The following DCLK1 variants were observed in gnomAD, a reference collection of about 807,000 sequenced individuals.
The protein encoded by DCLK1 is doublecortin like kinase 1.
DCLK1 carries 16 observed loss-of-function variants against 86.2 expected under a neutral mutation model. The ratio of observed to expected loss-of-function variants is 0.19; its 90% CI spans 0.13 to 0.28. DCLK1 has a LOEUF of 0.28. DCLK1 is among the 10% of genes least tolerant of loss of function. DCLK1 has a pLI of 1.00. For missense variants in DCLK1, 590 were observed against 940.2 expected (o/e 0.63, Z 4.87); for synonymous variants, 369 against 370.5 (o/e 1.00, Z 0.05).
intron 3 of DCLK1, among the ~76,000 whole-genome samples, chr13:36,101,591 A>G (rs979497735): frequency 6.6e-6 from 1 of 152,186 alleles, no homozygotes; most frequent in Non-Finnish European, 1.5e-5. Context: ...CTTAAATGTG[A>G]ATATACACAG....
At chr13:35,809,608 C>A (rs898010425) in intron 12 of DCLK1, among the ~76,000 whole-genome samples, 3 of 152,036 alleles carry the variant, frequency 2.0e-5, no homozygotes, top group African/African-American at 7.3e-5. Context: ...CTTAAGATCA[C>A]ACAGTTAGTG....
chr13:36,037,618 G>C (rs1882552727), intron 3 of DCLK1, among the ~76,000 whole-genome samples: 1 of 151,868 alleles, frequency 6.6e-6, no homozygotes, highest in Non-Finnish European at 1.5e-5. Flanking sequence ...CAAGTACCTG[G>C]GATTACAGGT....
chr13:36,112,301 C>T (rs1885646516), intron 2 of DCLK1, 86 bp from the exon 3 acceptor site: 1 of 1,059,264 alleles, frequency 9.4e-7, no homozygotes, highest in Non-Finnish European at 1.3e-6. Context: ...GCCTTTTCTG[C>T]TTAGGGGCAA....
At chr13:36,090,582 C>T (rs1286021675) in intron 3 of DCLK1, among the ~76,000 whole-genome samples, 3 of 152,014 alleles carry the variant, frequency 2.0e-5, no homozygotes, top group Non-Finnish European at 4.4e-5. Context: ...TAGCACAGAA[C>T]GTAGGTAGGA....
chr13:36,040,170 T>C (rs1171700409), intron 3 of DCLK1, among the ~76,000 whole-genome samples: 1 of 151,716 alleles, frequency 6.6e-6, no homozygotes, highest in African/African-American at 2.4e-5. Context: ...CTGAAGTCCA[T>C]ATTTCATTCA....
At chr13:35,985,825 T>G (rs1879874889) in intron 3 of DCLK1, among the ~76,000 whole-genome samples, 1 of 152,206 alleles carries the variant, frequency 6.6e-6, no homozygotes, top group South Asian at 2.1e-4. Context: ...TATTCTAAGA[T>G]TGATGCTTGT....
intron 3 of DCLK1, among the ~76,000 whole-genome samples, chr13:35,972,797 C>G (rs1879136179): frequency 6.6e-6 from 1 of 152,164 alleles, no homozygotes; most frequent in Non-Finnish European, 1.5e-5. Context: ...CATAGACCAT[C>G]ATGGCTCAAG....
At chr13:35,913,597 T>G (rs1194517984) in intron 4 of DCLK1, among the ~76,000 whole-genome samples, 1 of 152,188 alleles carries the variant, frequency 6.6e-6, no homozygotes, top group African/African-American at 2.4e-5. Flanking sequence ...GCTATCAAAG[T>G]TTTAATTTTC....
chr13:35,856,849 A>G (rs540968022), intron 5 of DCLK1, among the ~76,000 whole-genome samples: 81 of 152,330 alleles, frequency 5.3e-4, no homozygotes, highest in Admixed American at 4.1e-3. Context: ...GAATAACTCT[A>G]TAAGATTGGC....
chr13:35,986,105 C>A (rs1010226627), intron 3 of DCLK1, among the ~76,000 whole-genome samples: 6 of 151,744 alleles, frequency 4.0e-5, no homozygotes, highest in Non-Finnish European at 8.8e-5. Context: ...AGTTCGAGAC[C>A]AGCCTGACCA....
intron 3 of DCLK1, among the ~76,000 whole-genome samples, chr13:35,983,962 A>G (rs1168070740): frequency 6.6e-6 from 1 of 151,810 alleles, no homozygotes; most frequent in Non-Finnish European, 1.5e-5. Context: ...GTTTGACTTG[A>G]CCTCCTTGAC....
At chr13:35,835,170 G>T (rs138546599) in intron 8 of DCLK1, among the ~76,000 whole-genome samples, 19 of 152,208 alleles carry the variant, frequency 1.2e-4, no homozygotes, top group African/African-American at 4.1e-4. Flanking sequence ...TGTGATTCTC[G>T]GAGGATTAAG....
chr13:35,971,387 G>A (rs755841327), intron 3 of DCLK1, among the ~76,000 whole-genome samples: 20 of 152,298 alleles, frequency 1.3e-4, no homozygotes, highest in South Asian at 2.1e-4. Context: ...ACATGACACC[G>A]AAGCTAAGAC....
intron 6 of DCLK1, among the ~76,000 whole-genome samples, chr13:35,851,636 A>C (rs547088063): frequency 2.6e-5 from 4 of 152,196 alleles, no homozygotes; most frequent in Non-Finnish European, 5.9e-5. Flanking sequence ...GTGGGAAAAG[A>C]GTCTCCAGGC....
chr13:36,014,146 G>A (rs759302068), intron 3 of DCLK1, among the ~76,000 whole-genome samples: 18 of 152,194 alleles, frequency 1.2e-4, no homozygotes, highest in Non-Finnish European at 2.9e-5. Context: ...ACCTCAGATG[G>A]AAATGCAGAA....
intron 6 of DCLK1, chr13:35,846,195 T>G: frequency 2.0e-6 from 2 of 985,344 alleles, no homozygotes; most frequent in Non-Finnish European, 2.4e-6. Context: ...TCCAATCAAC[T>G]GAAACTGTGA....
chr13:35,845,597 A>G (rs927821845), intron 6 of DCLK1, among the ~76,000 whole-genome samples: 4 of 152,190 alleles, frequency 2.6e-5, no homozygotes, highest in Non-Finnish European at 5.9e-5. Flanking sequence ...AGTTATCGAT[A>G]TGTCTGACAA....
At chr13:36,036,721 C>G (rs1882515583) in intron 3 of DCLK1, among the ~76,000 whole-genome samples, 1 of 151,914 alleles carries the variant, frequency 6.6e-6, no homozygotes, top group Non-Finnish European at 1.5e-5. Context: ...CATTTATATA[C>G]TATACATTTA....
rs148954051 is a variant in DCLK1, at chr13:35,968,014, C to T, written c.724-20557G>A. ...CAGCCTGGATGACAGAGCAAGACTC[C>T]GTCTCAAAAATAAATAAAGTAAAAA... On this transcript the variant is annotated intron_variant, in intron 3 of 16. Transcript: ENST00000360631. Among the ~76,000 whole-genome samples the T allele has an allele frequency of 6.0e-3, 901 of 150,550 alleles. 16 individuals carry two copies. Among genetic ancestry groups the T allele is most frequent in the African/African-American group, 0.021 (859 of 40,918 alleles).
Sources: allele counts gnomAD v4.1 joint callset (sites outside exome capture counted in the v4.1 genomes callset), GRCh38; gene constraint gnomAD v4.1.1; transcripts MANE v1.5; gene names NCBI Gene and HGNC (gene_info 2026-07-23, HGNC 2026-07-21).